Variants in DPP6 observed in about 807,000 individuals in gnomAD.
DPP6 encodes the protein A-type potassium channel modulatory protein DPP6.
DPP6 carries 69 observed loss-of-function variants against 122.6 expected under a neutral mutation model. The ratio of observed to expected loss-of-function variants is 0.56; its 90% CI spans 0.46 to 0.69. The LOEUF (loss-of-function observed/expected upper bound fraction) is 0.69, where lower values mean the gene tolerates loss of function less well. DPP6 is among the 30% of genes least tolerant of loss of function. The probability of loss-of-function intolerance (pLI) is 0.00; values close to 1 mark genes in which losing one functional copy is unlikely to be tolerated. For missense variants in DPP6, 928 were observed against 1,116.9 expected (o/e 0.83, Z 2.41); for synonymous variants, 418 against 433.1 (o/e 0.97, Z 0.43).
At chr7:154,848,665 A>G (rs1464671909) in intron 16 of DPP6, among the ~76,000 whole-genome samples, 1 of 152,234 alleles carries the variant, frequency 6.6e-6, no homozygotes, top group Non-Finnish European at 1.5e-5. Flanking sequence ...ATTTAGGATG[A>G]TGCAATCCCG....
chr7:154,245,925 C>T (rs1801956939), intron 1 of DPP6, among the ~76,000 whole-genome samples: 1 of 152,100 alleles, frequency 6.6e-6, no homozygotes, highest in Admixed American at 6.5e-5. Flanking sequence ...AGAACATAGT[C>T]ATTGTGACTT....
At chr7:154,157,395 G>T (rs1796739296) in intron 1 of DPP6, among the ~76,000 whole-genome samples, 1 of 152,216 alleles carries the variant, frequency 6.6e-6, no homozygotes. Flanking sequence ...AACTCCCTGA[G>T]AATGGGAAGT....
chr7:154,566,729 C>A, intron 4 of DPP6, 113 bp from the exon 5 acceptor site: 2 of 628,998 alleles, frequency 3.2e-6, no homozygotes, highest in South Asian at 2.0e-5. Context: ...AGGATATAGC[C>A]ATTTTAATAG....
chr7:154,311,606 C>T (rs1201572280), intron 1 of DPP6, among the ~76,000 whole-genome samples: 1 of 152,154 alleles, frequency 6.6e-6, no homozygotes, highest in Non-Finnish European at 1.5e-5. Context: ...TCCTTCCTGA[C>T]TTTGATAGCA....
intron 3 of DPP6, among the ~76,000 whole-genome samples, chr7:154,485,719 T>A (rs1036507654): frequency 3.3e-5 from 5 of 152,190 alleles, no homozygotes; most frequent in African/African-American, 1.2e-4. Flanking sequence ...CAACAGGAAT[T>A]GAAAGGATAA....
intron 1 of DPP6, among the ~76,000 whole-genome samples, chr7:154,077,284 A>G (rs1317035332): frequency 6.6e-6 from 1 of 152,260 alleles, no homozygotes; most frequent in African/African-American, 2.4e-5. Context: ...CATAGACACC[A>G]TATTCAATAA....
rs1428656919 is a variant in DPP6 at position 154,769,431 on chromosome 7, A to G, written c.898A>G (p.Thr300Ala). The stretch of plus-strand genomic sequence containing the variant: ...TTTTCCCTTAGAGGAGATTTTGAAG[A>G]CACACATCGCACACTGGTGGTCTCC... ...DWLYEEEILKTHIAHWWSPDG... is the reference protein window; with the variant it reads ...DWLYEEEILKAHIAHWWSPDG... The change falls in exon 9 of 26, where the codon ACA (threonine) becomes GCA (alanine). Residue 300 changes from threonine (T) to alanine (A), a missense_variant. Transcript: ENST00000377770. 6.2e-7 allele frequency: 1 copy of G among 1,613,684 alleles called. No homozygotes were observed.
intron 7 of DPP6, among the ~76,000 whole-genome samples, chr7:154,707,853 G>A (rs1467888237): frequency 6.6e-6 from 1 of 151,898 alleles, no homozygotes; most frequent in Non-Finnish European, 1.5e-5. Context: ...AATGAGACCC[G>A]AGCAAAAAGG....
At chr7:154,261,987 G>T (rs1302812308) in intron 1 of DPP6, among the ~76,000 whole-genome samples, 1 of 151,314 alleles carries the variant, frequency 6.6e-6, no homozygotes, top group Non-Finnish European at 1.5e-5. Flanking sequence ...GTGGATGTAA[G>T]CAGGGAAGGA....
At chr7:154,730,541 A>G (rs1367712372) in intron 8 of DPP6, among the ~76,000 whole-genome samples, 1 of 152,230 alleles carries the variant, frequency 6.6e-6, no homozygotes. Context: ...TGTATTTATT[A>G]CTATTATTGT....
At chr7:154,344,812 C>T (rs1236176464) in intron 1 of DPP6, among the ~76,000 whole-genome samples, 1 of 152,066 alleles carries the variant, frequency 6.6e-6, no homozygotes, top group Non-Finnish European at 1.5e-5. Flanking sequence ...TGCTTGAACC[C>T]AGGAGGCGGA....
At position 153,887,898 on chromosome 7, in the gene DPP6, C is replaced by T. The variant is rs116011744; in HGVS notation, c.51+164C>T. ...CCACTTCCCACCCGAGCCCACCCAG[C>T]GGCAGGGGGATGCGGAGGAGCAGGC... On this transcript the variant is annotated intron_variant, in intron 1 of 25. Coordinates refer to the DPP6 transcript ENST00000404039. Among the ~76,000 whole-genome samples, 780 of 152,200 alleles carry T rather than the reference C, an allele frequency of 5.1e-3. 9 individuals are homozygous for T. The highest frequency in any genetic ancestry group is 0.018 in the African/African-American group (756 of 41,562).
At chr7:154,033,501 C>T (rs544011117) in intron 1 of DPP6, among the ~76,000 whole-genome samples, 15 of 152,350 alleles carry the variant, frequency 9.8e-5, no homozygotes, top group Non-Finnish European at 1.5e-4. Flanking sequence ...CTCCTGGCTA[C>T]GCTGCCTTCC....
intron 1 of DPP6, among the ~76,000 whole-genome samples, chr7:154,011,343 G>A (rs1030120445): frequency 3.3e-5 from 5 of 152,124 alleles, no homozygotes; most frequent in Non-Finnish European, 2.9e-5. Context: ...TTCAGCTGGC[G>A]TTTGCATCAG....
the DPP6 span, among the ~76,000 whole-genome samples, chr7:153,872,751 A>G: frequency 1.3e-5 from 2 of 152,242 alleles, no homozygotes; most frequent in Admixed American, 6.5e-5. Flanking sequence ...ATGATTCAGC[A>G]GTAAATAATC....
intron 1 of DPP6, among the ~76,000 whole-genome samples, chr7:154,020,194 T>G (rs953545887): frequency 1.2e-4 from 18 of 152,146 alleles, no homozygotes; most frequent in African/African-American, 3.6e-4. Context: ...GTTTACATTC[T>G]GAATTCTGTG....
intron 1 of DPP6, among the ~76,000 whole-genome samples, chr7:154,296,237 C>T (rs1204724243): frequency 6.6e-6 from 1 of 152,108 alleles, no homozygotes; most frequent in Non-Finnish European, 1.5e-5. Context: ...AGCCACCGCG[C>T]CCGGCTGCCG....
intron 5 of DPP6, among the ~76,000 whole-genome samples, chr7:154,613,619 C>CAAAAAAAAAAAAA (rs749561005): frequency 1.9e-5 from 1 of 51,848 alleles, no homozygotes; most frequent in African/African-American, 9.1e-5. Flanking sequence ...GACTCTGTCT[C>CAAAAAAAAAAAAA]AAAAAAAAAA....
chr7:153,983,440 T>A (rs1365134577), intron 1 of DPP6, among the ~76,000 whole-genome samples: 1 of 152,254 alleles, frequency 6.6e-6, no homozygotes, highest in Non-Finnish European at 1.5e-5. Flanking sequence ...ACGGCTGTGC[T>A]GGCAGCCAGA....
Sources: gnomAD v4.1 joint callset for allele counts (sites outside exome capture counted in the v4.1 genomes callset) on GRCh38, gnomAD v4.1.1 for gene constraint, MANE v1.5 for transcripts, NCBI Gene and HGNC (gene_info 2026-07-23, HGNC 2026-07-21) for gene names.